MAP7: variants seen among roughly 807,000 people sequenced by gnomAD.
The protein encoded by MAP7 is microtubule associated protein 7, also known as ensconsin.
MAP7 carries 52 observed loss-of-function variants against 94.8 expected under a neutral mutation model. That is an observed-to-expected ratio of 0.55 (90% CI 0.44 to 0.69). The LOEUF is 0.69. Among genes scored for constraint, MAP7 ranks in the 30% least tolerant of loss-of-function variants. The probability of loss-of-function intolerance (pLI) is 0.00; values close to 1 mark genes in which losing one functional copy is unlikely to be tolerated. For synonymous variants in MAP7, 350 were observed against 357.0 expected (o/e 0.98, Z 0.22); for missense variants, 940 against 964.6 (o/e 0.97, Z 0.34).
chr6:136,499,588 G>C (rs1819269658), intron 1 of MAP7, among the ~76,000 whole-genome samples: 1 of 152,090 alleles, frequency 6.6e-6, no homozygotes, highest in African/African-American at 2.4e-5. Flanking sequence ...GCTAAGACAG[G>C]GGTCAACAAG....
At chr6:136,421,656 A>T (rs374282020) in intron 2 of MAP7, 45 bp downstream of exon 2, 327 of 1,539,350 alleles carry the variant, frequency 2.1e-4, no homozygotes, top group Middle Eastern at 1.3e-3. Context: ...TTTAGGGCAT[A>T]AAAGATAACC....
chr6:136,542,054 G>A (rs1829368153), intron 1 of MAP7, among the ~76,000 whole-genome samples: 1 of 151,996 alleles, frequency 6.6e-6, no homozygotes. Context: ...GCGAGACTCT[G>A]TCTCAAAAAA....
At chr6:136,509,056 A>C (rs1403534297) in intron 1 of MAP7, among the ~76,000 whole-genome samples, 1 of 152,198 alleles carries the variant, frequency 6.6e-6, no homozygotes, top group Non-Finnish European at 1.5e-5. Context: ...AATTATATTA[A>C]CTCTCTCATG....
chr6:136,358,748 T>C (rs942160699), intron 15 of MAP7, among the ~76,000 whole-genome samples: 1 of 152,226 alleles, frequency 6.6e-6, no homozygotes, highest in Non-Finnish European at 1.5e-5. Flanking sequence ...TCTTTTCATA[T>C]TGATATCACA....
intron 1 of MAP7, among the ~76,000 whole-genome samples, chr6:136,540,805 C>G (rs1829247221): frequency 6.6e-6 from 1 of 152,184 alleles, no homozygotes; most frequent in Non-Finnish European, 1.5e-5. Flanking sequence ...CCACCTGACT[C>G]CCATCCTGCA....
chr6:136,541,559 T>C (rs1305324362), intron 1 of MAP7, among the ~76,000 whole-genome samples: 2 of 152,220 alleles, frequency 1.3e-5, no homozygotes, highest in Non-Finnish European at 1.5e-5. Context: ...AGCTCACATA[T>C]GCCAAGTGCA....
chr6:136,543,420 G>A (rs900965153), intron 1 of MAP7, among the ~76,000 whole-genome samples: 15 of 152,298 alleles, frequency 9.8e-5, no homozygotes, highest in Middle Eastern at 3.4e-3. Flanking sequence ...ATACTGAGGC[G>A]GGTGGATCAC....
chr6:136,420,937 T>C (rs1375546316), intron 2 of MAP7, among the ~76,000 whole-genome samples: 2 of 152,222 alleles, frequency 1.3e-5, no homozygotes, highest in African/African-American at 4.8e-5. Flanking sequence ...ACTTCAGTCC[T>C]GGATGCAGCA....
chr6:136,398,627 T>A (rs756318765), intron 3 of MAP7, among the ~76,000 whole-genome samples: 4 of 152,050 alleles, frequency 2.6e-5, no homozygotes, highest in Non-Finnish European at 5.9e-5. Context: ...TTATCAGGAG[T>A]TTCCACTTTT....
chr6:136,389,402 C>A lies in MAP7; in HGVS notation c.360G>T (p.Arg120Ser). 6.3e-7 allele frequency: 1 copy of A among 1,587,142 alleles called. No individual in the cohort carries two copies. The highest frequency in any genetic ancestry group is 8.5e-7 in the Non-Finnish European group (1 of 1,169,872). ...TCCGCTTCTCCTCCACAGCAGCCCT[C>A]CTCCGCTCCTCCTTCTGCCTCTGCT... The part of the protein sequence containing the change: ...LEEQRQKEER[R>S]RAAVEEKRRQ... Residue 120 changes from arginine (R) to serine (S), a missense_variant, in exon 4 of 18, where the codon AGG becomes AGT. Coordinates refer to ENST00000354570, the MANE Select transcript of MAP7 (RefSeq NM_003980.6).
At chr6:136,532,033 T>C (rs999193973) in intron 1 of MAP7, among the ~76,000 whole-genome samples, 3 of 152,148 alleles carry the variant, frequency 2.0e-5, no homozygotes, top group African/African-American at 7.2e-5. Flanking sequence ...TATATTCTTA[T>C]CCATTCAGTA....
At chr6:136,443,858 C>T (rs1280050714) in intron 1 of MAP7, among the ~76,000 whole-genome samples, 1 of 152,194 alleles carries the variant, frequency 6.6e-6, no homozygotes, top group African/African-American at 2.4e-5. Flanking sequence ...AGAGAATGCA[C>T]TGCTCCTGTA....
chr6:136,469,614 T>C (rs1276150971), intron 1 of MAP7, among the ~76,000 whole-genome samples: 2 of 152,140 alleles, frequency 1.3e-5, no homozygotes, highest in Non-Finnish European at 2.9e-5. Flanking sequence ...CTTGAACTCC[T>C]GGCTCAAGCA....
intron 1 of MAP7, among the ~76,000 whole-genome samples, chr6:136,540,051 A>T (rs1829181324): frequency 6.6e-6 from 1 of 152,200 alleles, no homozygotes; most frequent in South Asian, 2.1e-4. Context: ...GGTGATAATC[A>T]AAGCACAAGT....
At chr6:136,388,732 T>A (rs1779860268) in intron 4 of MAP7, among the ~76,000 whole-genome samples, 1 of 152,196 alleles carries the variant, frequency 6.6e-6, no homozygotes, top group African/African-American at 2.4e-5. Flanking sequence ...ACAACAGGCA[T>A]TCAAATAAAC....
At chr6:136,384,425 T>C (rs111300783) in intron 5 of MAP7, among the ~76,000 whole-genome samples, 3,640 of 152,262 alleles carry the variant, frequency 0.024, 68 homozygotes, top group Middle Eastern at 0.13. Flanking sequence ...TGGCTACAAA[T>C]GTAGAATTAG....
intron 1 of MAP7, among the ~76,000 whole-genome samples, chr6:136,510,820 G>A (rs1823046177): frequency 6.6e-6 from 1 of 151,940 alleles, no homozygotes; most frequent in Non-Finnish European, 1.5e-5. Context: ...TACATATAGG[G>A]GTTGGTACCA....
intron 1 of MAP7, among the ~76,000 whole-genome samples, chr6:136,460,592 G>A (rs1462619253): frequency 6.6e-6 from 1 of 152,010 alleles, no homozygotes; most frequent in Non-Finnish European, 1.5e-5. Context: ...TTTTCATTTG[G>A]AAAGACTGAT....
chr6:136,407,293 A>T (rs1671501527), intron 3 of MAP7, among the ~76,000 whole-genome samples: 2 of 152,236 alleles, frequency 1.3e-5, no homozygotes, highest in African/African-American at 4.8e-5. Context: ...TACAAACCAG[A>T]GATAGAAAGT....
Sources: allele counts gnomAD v4.1 joint callset (sites outside exome capture counted in the v4.1 genomes callset), GRCh38; gene constraint gnomAD v4.1.1; transcripts MANE v1.5; gene names NCBI Gene and HGNC (gene_info 2026-07-23, HGNC 2026-07-21).